Variants in RABGAP1L observed in about 807,000 individuals in gnomAD.
RABGAP1L encodes RAB GTPase activating protein 1 like.
A neutral mutation model predicts 137.7 loss-of-function variants in RABGAP1L; 63 were observed. The observed-to-expected ratio is 0.46, with a 90% CI of 0.37 to 0.56. The LOEUF is 0.56. Among genes scored for constraint, RABGAP1L ranks in the 20% least tolerant of loss-of-function variants. The pLI is 0.00. For synonymous variants in RABGAP1L, 431 were observed against 433.7 expected (o/e 0.99, Z 0.08); for missense variants, 1,095 against 1,244.0 (o/e 0.88, Z 1.80).
chr1:174,760,421 C>T (rs1389018657), intron 18 of RABGAP1L, among the ~76,000 whole-genome samples: 1 of 152,116 alleles, frequency 6.6e-6, no homozygotes, highest in Non-Finnish European at 1.5e-5. Flanking sequence ...AGTGAGAGCA[C>T]GTGGTATTTG....
At chr1:174,478,060 T>C (rs1658686663) in intron 13 of RABGAP1L, among the ~76,000 whole-genome samples, 1 of 152,096 alleles carries the variant, frequency 6.6e-6, no homozygotes, top group Admixed American at 6.6e-5. Context: ...CATAAAGTAT[T>C]TATGAGGCAG....
At chr1:174,516,120 T>TAC (rs61414923) in intron 13 of RABGAP1L, among the ~76,000 whole-genome samples, 20,351 of 133,112 alleles carry the variant, frequency 0.15, 1,714 homozygotes, top group South Asian at 0.2. Flanking sequence ...ACTGAAGCTC[T>TAC]ACACACACAC....
chr1:174,511,789 A>T (rs1572114638), intron 13 of RABGAP1L, among the ~76,000 whole-genome samples: 1 of 151,750 alleles, frequency 6.6e-6, no homozygotes, highest in African/African-American at 2.4e-5. Flanking sequence ...CACCCAGCTG[A>T]TTTTGTATTT....
At chr1:174,325,469 A>G (rs1374816103) in intron 11 of RABGAP1L, among the ~76,000 whole-genome samples, 1 of 152,252 alleles carries the variant, frequency 6.6e-6, no homozygotes, top group Non-Finnish European at 1.5e-5. Context: ...TGAACATGCA[A>G]CCAAGGCTGT....
chr1:174,426,549 C>T (rs1651985862), intron 13 of RABGAP1L, among the ~76,000 whole-genome samples: 2 of 151,894 alleles, frequency 1.3e-5, no homozygotes, highest in Admixed American at 6.6e-5. Flanking sequence ...ATTCAAAAAG[C>T]ATAGACTGGA....
intron 7 of RABGAP1L, among the ~76,000 whole-genome samples, chr1:174,263,928 G>T (rs1222393732): frequency 6.6e-6 from 1 of 151,726 alleles, no homozygotes; most frequent in Non-Finnish European, 1.5e-5. Context: ...AATAGGATAT[G>T]ATTATTTTAT....
intron 18 of RABGAP1L, among the ~76,000 whole-genome samples, chr1:174,791,890 G>T (rs1407698307): frequency 6.6e-6 from 1 of 152,180 alleles, no homozygotes; most frequent in Non-Finnish European, 1.5e-5. Context: ...AGTTCTCAGG[G>T]CAGACTTGTG....
At chr1:174,890,171 A>T (rs867783677) in intron 19 of RABGAP1L, among the ~76,000 whole-genome samples, 13 of 152,366 alleles carry the variant, frequency 8.5e-5, no homozygotes, top group Middle Eastern at 3.4e-3. Context: ...GCTTTGAGAC[A>T]TCGTCAAAGA....
intron 18 of RABGAP1L, among the ~76,000 whole-genome samples, chr1:174,783,209 C>T (rs1161083036): frequency 1.3e-5 from 2 of 152,192 alleles, no homozygotes; most frequent in African/African-American, 4.8e-5. Flanking sequence ...CGCCATTGTT[C>T]CTGCGTGGCT....
intron 13 of RABGAP1L, among the ~76,000 whole-genome samples, chr1:174,474,965 G>A (rs1658346400): frequency 1.3e-5 from 2 of 152,084 alleles, no homozygotes; most frequent in South Asian, 4.2e-4. Context: ...GATAAATAAA[G>A]AAATGACATA....
intron 19 of RABGAP1L, among the ~76,000 whole-genome samples, chr1:174,861,753 T>C (rs930047230): frequency 5.3e-5 from 8 of 152,334 alleles, no homozygotes; most frequent in Middle Eastern, 6.8e-3. Context: ...ATGACTTCTT[T>C]GGGAAAATAT....
chr1:174,956,644 TCTC>T (rs1457215039), intron 19 of RABGAP1L, among the ~76,000 whole-genome samples: 2 of 151,454 alleles, frequency 1.3e-5, no homozygotes, highest in Non-Finnish European at 2.9e-5. Context: ...ATTTTTCTCT[TCTC>T]TTCTTTTTTT....
intron 4 of RABGAP1L, 55 bp from the exon 5 acceptor site, chr1:174,241,426 ATG>A (rs1671817943): frequency 8.4e-7 from 1 of 1,191,230 alleles, no homozygotes; most frequent in Middle Eastern, 2.1e-4. Flanking sequence ...AACTGGAAAT[ATG>A]TCTTTGTTCT....
intron 13 of RABGAP1L, among the ~76,000 whole-genome samples, chr1:174,626,927 T>C (rs1672979129): frequency 6.6e-6 from 1 of 152,182 alleles, no homozygotes; most frequent in East Asian, 1.9e-4. Flanking sequence ...AGGCTCCCTG[T>C]GGAGTAAGAA....
chr1:174,570,227 T>A (rs1667874348), intron 13 of RABGAP1L, among the ~76,000 whole-genome samples: 1 of 152,222 alleles, frequency 6.6e-6, no homozygotes, highest in South Asian at 2.1e-4. Context: ...AAGTACTTTC[T>A]AAAGCAAACA....
intron 13 of RABGAP1L, among the ~76,000 whole-genome samples, chr1:174,451,223 G>C (rs1348097026): frequency 6.6e-6 from 1 of 152,132 alleles, no homozygotes; most frequent in African/African-American, 2.4e-5. Flanking sequence ...CAAAGTTCAA[G>C]GAAGTGTACT....
chr1:174,493,152 A>T (rs1331789487), intron 13 of RABGAP1L, among the ~76,000 whole-genome samples: 1 of 147,860 alleles, frequency 6.8e-6, no homozygotes, highest in Non-Finnish European at 1.5e-5. Flanking sequence ...TTAGCCCAAG[A>T]GTTTGAGACC....
chr1:174,430,201 T>C (rs987642427), intron 13 of RABGAP1L, among the ~76,000 whole-genome samples: 1 of 151,844 alleles, frequency 6.6e-6, no homozygotes, highest in African/African-American at 2.4e-5. Context: ...GGGCAACATG[T>C]TGAAACTCCA....
At chr1:174,716,248 C>A (rs1029304173) in intron 17 of RABGAP1L, among the ~76,000 whole-genome samples, 14 of 152,140 alleles carry the variant, frequency 9.2e-5, no homozygotes, top group Non-Finnish European at 1.9e-4. Context: ...TTATCTGCAT[C>A]CATTGTTTGG....
Sources: allele counts gnomAD v4.1 joint callset (sites outside exome capture counted in the v4.1 genomes callset), GRCh38; gene constraint gnomAD v4.1.1; transcripts MANE v1.5; gene names NCBI Gene and HGNC (gene_info 2026-07-23, HGNC 2026-07-21).